The following SYT1 variants were observed in gnomAD, a reference collection of about 807,000 sequenced individuals.
SYT1 encodes synaptotagmin-1.
In SYT1, 8 loss-of-function variants were observed where a neutral mutation model predicts 44.8. The observed-to-expected ratio is 0.18, with a 90% CI of 0.10 to 0.32. SYT1 has a LOEUF of 0.32. Ranked by LOEUF, SYT1 falls within the 10% of genes least tolerant of loss-of-function variation. The probability of loss-of-function intolerance (pLI) is 1.00; values close to 1 mark genes in which losing one functional copy is unlikely to be tolerated. For synonymous variants in SYT1, 154 were observed against 188.8 expected (o/e 0.82, Z 1.51); for missense variants, 286 against 509.3 (o/e 0.56, Z 4.22).
intron 9 of SYT1, among the ~76,000 whole-genome samples, chr12:79,384,822 T>G (rs145305268): frequency 1.3e-5 from 2 of 152,160 alleles, no homozygotes; most frequent in African/African-American, 2.4e-5. Flanking sequence ...ATAGGTTTGG[T>G]TGGCTTTCTC....
intron 3 of SYT1, among the ~76,000 whole-genome samples, chr12:79,197,184 T>C (rs1451331709): frequency 6.6e-6 from 1 of 152,218 alleles, no homozygotes; most frequent in Non-Finnish European, 1.5e-5. Context: ...GATGCCTTCT[T>C]TGGGGTCCAC....
At position 79,050,406 on chromosome 12, in the gene SYT1, C is replaced by G. The variant is rs537675290; in HGVS notation, c.-18+3044C>G. Among the ~76,000 whole-genome samples the G allele has an allele frequency of 3.3e-5, 5 of 152,020 alleles. No individual in the cohort carries two copies. In the South Asian group the frequency reaches 1.0e-3, roughly 32 times the overall value. On this transcript the variant is annotated intron_variant, in intron 3 of 10. Transcript: ENST00000261205. ...ATAAGTGGACCTGCATAGTTCAAAC[C>G]CGTGTTGTTCAAGTGTCAACTATAG...
chr12:79,032,986 A>G (rs1337127155), intron 2 of SYT1, among the ~76,000 whole-genome samples: 1 of 151,390 alleles, frequency 6.6e-6, no homozygotes, highest in Non-Finnish European at 1.5e-5. Context: ...ATATCAGAAG[A>G]CCAAAAACTC....
chr12:79,013,954 C>G (rs1349227562), intron 2 of SYT1, among the ~76,000 whole-genome samples: 2 of 151,340 alleles, frequency 1.3e-5, no homozygotes, highest in Admixed American at 1.3e-4. Flanking sequence ...GGTGAAACCC[C>G]GTCTCTATTA....
intron 3 of SYT1, among the ~76,000 whole-genome samples, chr12:79,159,169 A>G (rs1190525357): frequency 6.6e-6 from 1 of 152,196 alleles, no homozygotes; most frequent in Non-Finnish European, 1.5e-5. Context: ...AAAGCAAGGA[A>G]AGAGAGGTGA....
chr12:78,981,272 C>T (rs1010844521), intron 2 of SYT1, among the ~76,000 whole-genome samples: 1 of 151,644 alleles, frequency 6.6e-6, no homozygotes, highest in Non-Finnish European at 1.5e-5. Flanking sequence ...GGATTACAGG[C>T]GTGAGCCACC....
At chr12:79,075,433 G>A (rs1876574968) in intron 3 of SYT1, among the ~76,000 whole-genome samples, 1 of 152,128 alleles carries the variant, frequency 6.6e-6, no homozygotes, top group Non-Finnish European at 1.5e-5. Context: ...TCTAAAGCTT[G>A]ATGAATAGTT....
chr12:79,130,492 C>G (rs1868741745), intron 3 of SYT1, among the ~76,000 whole-genome samples: 1 of 152,150 alleles, frequency 6.6e-6, no homozygotes, highest in Non-Finnish European at 1.5e-5. Context: ...AATTGTCTGC[C>G]TTGATTCCAG....
intron 3 of SYT1, among the ~76,000 whole-genome samples, chr12:79,105,060 CAGAA>C (rs1878638674): frequency 6.6e-6 from 1 of 152,116 alleles, no homozygotes; most frequent in Non-Finnish European, 1.5e-5. Context: ...ATATTCAAGA[CAGAA>C]AGAACAGCTA....
chr12:79,064,043 G>A (rs1043809971), intron 3 of SYT1, among the ~76,000 whole-genome samples: 5 of 151,882 alleles, frequency 3.3e-5, no homozygotes, highest in African/African-American at 4.8e-5. Context: ...CTACCATTCC[G>A]GAGAACAGTC....
At chr12:79,399,429 A>C (rs1884995389) in intron 9 of SYT1, among the ~76,000 whole-genome samples, 1 of 152,042 alleles carries the variant, frequency 6.6e-6, no homozygotes, top group Non-Finnish European at 1.5e-5. Flanking sequence ...ATTTTCCTGT[A>C]AGTCAAAGTA....
chr12:78,997,441 T>A (rs918296429), intron 2 of SYT1, among the ~76,000 whole-genome samples: 1 of 152,240 alleles, frequency 6.6e-6, no homozygotes, highest in African/African-American at 2.4e-5. Flanking sequence ...CTTATATTCT[T>A]GACAGCTAGA....
At position 79,451,748 on chromosome 12, in the gene SYT1, G is replaced by C. The variant is rs1386456613; in HGVS notation, c.*2624G>C. On this transcript the variant is annotated 3_prime_UTR_variant, in exon 11 of 11. Coordinates refer to ENST00000261205, the MANE Select transcript of SYT1 (RefSeq NM_005639.3). ...CTAGAAAGATCCTAGTTGCCTTTGT[G>C]TATATTTACTGCCTGCTTGAGTGTT... 1.3e-5 allele frequency: 2 copies of C among 152,128 alleles called. No individual in the cohort carries two copies. The highest frequency in any genetic ancestry group is 2.4e-5 in the African/African-American group (1 of 41,432). 9.4% of individuals were successfully genotyped at this position (152,128 alleles called of 1,614,324 possible).
intron 2 of SYT1, among the ~76,000 whole-genome samples, chr12:79,042,536 C>A (rs1873669030): frequency 6.9e-6 from 1 of 144,652 alleles, no homozygotes; most frequent in African/African-American, 2.6e-5. Context: ...ATTAGTCTTG[C>A]TAGTGGTCTA....
intron 3 of SYT1, among the ~76,000 whole-genome samples, chr12:79,135,940 A>G (rs1869161808): frequency 6.6e-6 from 1 of 152,188 alleles, no homozygotes; most frequent in Admixed American, 6.5e-5. Flanking sequence ...GGAGAAGCAA[A>G]TCAAAGTGGC....
chr12:79,035,963 A>C (rs1873104570), intron 2 of SYT1, among the ~76,000 whole-genome samples: 1 of 150,446 alleles, frequency 6.6e-6, no homozygotes, highest in African/African-American at 2.5e-5. Context: ...AAAAAAAAAA[A>C]CAAGGTAGAG....
intron 3 of SYT1, among the ~76,000 whole-genome samples, chr12:79,203,095 A>T (rs995530792): frequency 2.0e-4 from 30 of 151,992 alleles, no homozygotes; most frequent in Non-Finnish European, 3.4e-4. Context: ...GGAAAAAAAA[A>T]TTTTTTTATT....
In SYT1 at chr12:79,174,633, C is replaced by T. The variant is rs568097563; in HGVS notation, c.-17-42870C>T. Among the ~76,000 whole-genome samples the T allele has an allele frequency of 6.6e-5, 10 of 152,032 alleles. No homozygotes were observed. The South Asian group carries it at 1.9e-3, about 28-fold the overall frequency. On this transcript the variant is annotated intron_variant, in intron 3 of 10. Coordinates refer to ENST00000261205, the MANE Select transcript of SYT1 (RefSeq NM_005639.3). ...GTAAGAAAAGGGAGTTGGGAACTATCAATAGCAAGGATTAAGAAAATGGGT... is the reference window on the plus strand; with the variant it reads ...GTAAGAAAAGGGAGTTGGGAACTATTAATAGCAAGGATTAAGAAAATGGGT...
intron 3 of SYT1, among the ~76,000 whole-genome samples, chr12:79,197,301 A>G (rs1873517425): frequency 6.6e-6 from 1 of 152,206 alleles, no homozygotes; most frequent in South Asian, 2.1e-4. Flanking sequence ...TTGGAGTAAT[A>G]TAATTGATGA....
Sources: allele counts gnomAD v4.1 joint callset (sites outside exome capture counted in the v4.1 genomes callset), GRCh38; gene constraint gnomAD v4.1.1; transcripts MANE v1.5; gene names NCBI Gene and HGNC (gene_info 2026-07-23, HGNC 2026-07-21).